Variants in PDE4C observed in about 807,000 individuals in gnomAD.
PDE4C encodes the protein phosphodiesterase 4C, also known as 3',5'-cyclic-AMP phosphodiesterase 4C.
PDE4C carries 50 observed loss-of-function variants against 63.9 expected under a neutral mutation model. That is an observed-to-expected ratio of 0.78 (90% confidence interval 0.62 to 0.99). PDE4C has a LOEUF of 0.99. Ranked by LOEUF, PDE4C falls within the 50% of genes least tolerant of loss-of-function variation. The pLI, the probability that PDE4C is intolerant of heterozygous loss-of-function variation, is 0.00. For synonymous variants in PDE4C, 377 were observed against 385.1 expected (o/e 0.98, Z 0.25); for missense variants, 777 against 899.1 (o/e 0.86, Z 1.74).
chr19:18,229,936 T>C (rs1191341006), upstream of PDE4C, among the ~76,000 whole-genome samples: 1 of 152,098 alleles, frequency 6.6e-6, no homozygotes, highest in Non-Finnish European at 1.5e-5. Context: ...CTCCTCACTG[T>C]TCTCTGAATC....
At chr19:18,250,214 A>G (rs1969216106), upstream of PDE4C, 1 of 398,772 alleles carries the variant, frequency 2.5e-6, no homozygotes, top group Non-Finnish European at 4.4e-6. Context: ...TTCAGACACC[A>G]AAAGGCTCTG....
At chr19:18,250,172 G>A (rs1395954521), upstream of PDE4C, 48 of 398,664 alleles carry the variant, frequency 1.2e-4, no homozygotes, top group South Asian at 1.7e-3. Flanking sequence ...TGTCATTCAC[G>A]GATCCCTGAG....
At chr19:18,229,102 ATTTTTT>A (rs56379821), upstream of PDE4C, among the ~76,000 whole-genome samples, 1,894 of 124,548 alleles carry the variant, frequency 0.015, 51 homozygotes, top group African/African-American at 0.053. Flanking sequence ...TGCCAAGCTA[ATTTTTT>A]TTTTTTTTTT....
At chr19:18,245,400 A>G (rs11669275) in intron 1 of PDE4C, among the ~76,000 whole-genome samples, 92,420 of 151,426 alleles carry the variant, frequency 0.61, 28,340 homozygotes, top group Middle Eastern at 0.73. Flanking sequence ...CCTGTCCTCA[A>G]GTGATCCACC....
At chr19:18,233,070 C>A (rs767249358) in exon 1 of PDE4C, 2 of 1,570,284 alleles carry the variant, frequency 1.3e-6, no homozygotes, top group Non-Finnish European at 1.7e-6. Context: ...CTGTTGGATG[C>A]GGATGGGGCG....
chr19:18,233,579 G>A, exon 1 of PDE4C: 1 of 492,144 alleles, frequency 2.0e-6, no homozygotes, highest in Non-Finnish European at 4.0e-6. Context: ...ACTGATCGCT[G>A]CTAAATGGAG....
chr19:18,210,189 A>T (rs576573239), downstream of PDE4C: 362 of 141,488 alleles, frequency 2.6e-3, no homozygotes, highest in African/African-American at 8.7e-3. Flanking sequence ...TGCCTGGCTA[A>T]TTTTTTTTTT....
intron 12 of PDE4C, 90 bp from the exon 13 acceptor site, chr19:18,213,580 C>A: frequency 7.1e-7 from 1 of 1,402,704 alleles, no homozygotes; most frequent in Non-Finnish European, 9.7e-7. Context: ...CTGGCTCAGA[C>A]TCAGCCCTCT....
upstream of PDE4C, among the ~76,000 whole-genome samples, chr19:18,252,706 C>T (rs948296854): frequency 6.6e-6 from 1 of 152,176 alleles, no homozygotes. Flanking sequence ...CAACCTCCAC[C>T]TCCTGGGTAC....
chr19:18,228,544 G>T (rs1397486058), upstream of PDE4C, among the ~76,000 whole-genome samples: 2 of 152,170 alleles, frequency 1.3e-5, no homozygotes, highest in Non-Finnish European at 2.9e-5. Flanking sequence ...TCCCGCACTG[G>T]ATGCGTTAAC....
rs144976072 is a variant in PDE4C, at chr19:18,215,377, G to A, written c.1389+1364C>T. ...TAGTCAAGGGTTAGAATTTCATAACGGCCGGAACTGTCTTTGCACAGATCA... is the reference window on the plus strand; with the variant it reads ...TAGTCAAGGGTTAGAATTTCATAACAGCCGGAACTGTCTTTGCACAGATCA... On this transcript the variant is annotated intron_variant, in intron 12 of 14. Transcript: ENST00000262805. Among the ~76,000 whole-genome samples, 5 of 152,036 alleles carry A rather than the reference G, an allele frequency of 3.3e-5. No individual in the cohort carries two copies. In the East Asian group the frequency reaches 7.7e-4, roughly 23 times the overall value.
intron 1 of PDE4C, among the ~76,000 whole-genome samples, chr19:18,247,487 G>A (rs1184684019): frequency 2.0e-5 from 3 of 152,158 alleles, no homozygotes; most frequent in East Asian, 3.8e-4. Flanking sequence ...GTAGAGACGG[G>A]GTTTCTCCAT....
At position 18,239,300 on chromosome 19, in the gene PDE4C, GCT is replaced by G. The variant is rs1969001722; in HGVS notation, c.-209-5902_-209-5901del. 2.0e-5 allele frequency among the ~76,000 whole-genome samples: 3 copies of G among 152,208 alleles called. No individual in the cohort carries two copies. The South Asian group carries it at 6.2e-4, about 31-fold the overall frequency. Reference sequence around the variant, plus strand: ...CTGAATGGGAGAAACTAAATGAGATGCTGTTTCCAAGCAGGCTCTGGGTAAAT... The same window carrying G: ...CTGAATGGGAGAAACTAAATGAGATGGTTTCCAAGCAGGCTCTGGGTAAAT... On this transcript the variant is annotated intron_variant, in intron 1 of 15. Transcript: ENST00000594617.
upstream of PDE4C, chr19:18,237,029 G>A (rs150056867): frequency 2.1e-3 from 317 of 152,928 alleles, 1 homozygote; most frequent in Middle Eastern, 0.01. Flanking sequence ...GGCTCACAGG[G>A]GCCAAGCCAG....
At chr19:18,216,184 G>A (rs1222978055) in intron 12 of PDE4C, among the ~76,000 whole-genome samples, 6 of 151,818 alleles carry the variant, frequency 4.0e-5, no homozygotes, top group South Asian at 4.2e-4. Flanking sequence ...CCCCAGAAAC[G>A]GTTTCCACAT....
chr19:18,252,380 T>C, upstream of PDE4C: 1 of 398,832 alleles, frequency 2.5e-6, no homozygotes, highest in East Asian at 3.6e-5. Context: ...ATTTGGGGGG[T>C]TCCCCTGAAC....
In PDE4C at chr19:18,218,318, A is replaced by G; in HGVS notation, c.1134+16T>C. The G allele has an allele frequency of 6.2e-7, 1 of 1,613,844 alleles. No individual in the cohort carries two copies. The highest frequency in any genetic ancestry group is 1.3e-5 in the African/African-American group (1 of 75,062). On this transcript the variant is annotated intron_variant, in intron 10 of 14. Transcript: ENST00000262805. ...GCCCTGCACCCGCCCACCTGCCTGC[A>G]GTCATGGCGCAGTACCTCGAGGGCG...
At chr19:18,208,495 G>A (rs1417885887), downstream of PDE4C, 1 of 125,604 alleles carries the variant, frequency 8.0e-6, no homozygotes, top group African/African-American at 3.0e-5. Flanking sequence ...CCCGACAAGC[G>A]CGCCCCGCCG....
upstream of PDE4C, among the ~76,000 whole-genome samples, chr19:18,235,923 G>A (rs1968942288): frequency 6.6e-6 from 1 of 151,718 alleles, no homozygotes; most frequent in Admixed American, 6.6e-5. Context: ...CTCAGGCTAA[G>A]GATTTGTTTT....
Sources: gnomAD v4.1 joint callset for allele counts (sites outside exome capture counted in the v4.1 genomes callset) on GRCh38, gnomAD v4.1.1 for gene constraint, MANE v1.5 for transcripts, NCBI Gene and HGNC (gene_info 2026-07-23, HGNC 2026-07-21) for gene names.